The following PLPP1 variants were observed in gnomAD, a reference collection of about 807,000 sequenced individuals.
PLPP1 encodes the protein phospholipid phosphatase 1.
A neutral mutation model predicts 31.2 loss-of-function variants in PLPP1; 24 were observed. That is an observed-to-expected ratio of 0.77 (90% CI 0.56 to 1.08). The LOEUF (loss-of-function observed/expected upper bound fraction) is 1.08. Ranked by LOEUF, PLPP1 falls within the 50% of genes least tolerant of loss-of-function variation. PLPP1 has a pLI of 0.00. For missense variants in PLPP1, 319 were observed against 342.7 expected (o/e 0.93, Z 0.55); for synonymous variants, 146 against 126.3 (o/e 1.16, Z -1.05).
At chr5:55,460,195 T>C (rs1752123901) in intron 3 of PLPP1, among the ~76,000 whole-genome samples, 1 of 152,162 alleles carries the variant, frequency 6.6e-6, no homozygotes, top group African/African-American at 2.4e-5. Context: ...ATATTTTCAG[T>C]TAAATAAAGA....
At chr5:55,505,433 C>A (rs6889674) in intron 1 of PLPP1, among the ~76,000 whole-genome samples, 3,601 of 133,908 alleles carry the variant, frequency 0.027, 145 homozygotes, top group African/African-American at 0.09. Flanking sequence ...CATCTCTACA[C>A]ATCTATACAC....
chr5:55,447,936 G>A (rs1751803937), intron 3 of PLPP1, among the ~76,000 whole-genome samples: 1 of 152,024 alleles, frequency 6.6e-6, no homozygotes, highest in Non-Finnish European at 1.5e-5. Context: ...AAACCATAAC[G>A]AGGCATTTTC....
chr5:55,502,105 T>C (rs1284251047), intron 1 of PLPP1, among the ~76,000 whole-genome samples: 2 of 152,218 alleles, frequency 1.3e-5, no homozygotes, highest in African/African-American at 4.8e-5. Context: ...CGCATTAATA[T>C]AAACCAGCTT....
At position 55,468,790 on chromosome 5, in the gene PLPP1, C is replaced by CAAGACT. The variant is rs1348581044; in HGVS notation, c.211-647_211-642dup. Among the ~76,000 whole-genome samples, 11 of 152,044 alleles carry CAAGACT rather than the reference C, an allele frequency of 7.2e-5. No individual in the cohort carries two copies. The East Asian group carries it at 9.7e-4, about 13-fold the overall frequency. On this transcript the variant is annotated intron_variant, in intron 2 of 5. Transcript: ENST00000307259. Reference sequence around the variant, plus strand: ...TGTACTCCAGCCTGGGCAACAAGAGCAAGACTCCGTCTCAATAAATAAATA... The same window carrying CAAGACT: ...TGTACTCCAGCCTGGGCAACAAGAGCAAGACTAAGACTCCGTCTCAATAAATAAATA...
At position 55,425,064 on chromosome 5, in the gene PLPP1, C is replaced by CAA. The variant is rs1448704778; in HGVS notation, c.*140_*141dup. ...TGAGTTAAAGGTAACTATGTACACA[C>CAA]AAAGTGTGCATCCAAGAGGCATAGC... is the stretch of plus-strand genomic sequence containing the variant. On this transcript the variant is annotated 3_prime_UTR_variant, in exon 6 of 6. Coordinates refer to ENST00000307259, the MANE Select transcript of PLPP1 (RefSeq NM_003711.4). 7.9e-6 allele frequency: 9 copies of CAA among 1,142,964 alleles called. No individual in the cohort carries two copies. Among genetic ancestry groups the CAA allele is most frequent in the Non-Finnish European group, 1.1e-5 (9 of 807,612 alleles). The allele number at this position is 1,142,964 out of a possible 1,614,324, so 70.8% of individuals were successfully genotyped here.
chr5:55,448,742 C>G (rs1751827541), intron 3 of PLPP1, among the ~76,000 whole-genome samples: 2 of 152,112 alleles, frequency 1.3e-5, no homozygotes, highest in Non-Finnish European at 2.9e-5. Context: ...GCCTCCGCAC[C>G]CAGCCGATTC....
chr5:55,465,368 T>G (rs1214713118), intron 3 of PLPP1, among the ~76,000 whole-genome samples: 1 of 152,090 alleles, frequency 6.6e-6, no homozygotes, highest in Non-Finnish European at 1.5e-5. Context: ...GGTTTTATCA[T>G]TGCATTCATA....
intron 4 of PLPP1, among the ~76,000 whole-genome samples, chr5:55,436,538 A>T (rs1415821980): frequency 1.3e-5 from 2 of 152,200 alleles, no homozygotes; most frequent in Non-Finnish European, 2.9e-5. Flanking sequence ...TAAACTGCCC[A>T]GCCTTGGGTA....
At chr5:55,461,137 G>A (rs1400624646) in intron 3 of PLPP1, among the ~76,000 whole-genome samples, 4 of 152,116 alleles carry the variant, frequency 2.6e-5, no homozygotes, top group South Asian at 2.1e-4. Context: ...CAAGGTTTCA[G>A]TGAGCCAAGA....
chr5:55,428,645 G>C (rs1751267537), intron 4 of PLPP1, among the ~76,000 whole-genome samples: 1 of 152,226 alleles, frequency 6.6e-6, no homozygotes, highest in South Asian at 2.1e-4. Context: ...CCACTGAAAA[G>C]TTGAATGTCT....
intron 3 of PLPP1, among the ~76,000 whole-genome samples, chr5:55,466,376 T>G (rs1752295340): frequency 6.6e-6 from 1 of 152,078 alleles, no homozygotes; most frequent in Admixed American, 6.6e-5. Flanking sequence ...TCTAGTTAAA[T>G]AAGATTTTTT....
Position 55,436,956 on chromosome 5 carries a change from T to A in PLPP1, c.549+4895A>T, listed in dbSNP as rs1579921414. Among the ~76,000 whole-genome samples the A allele has an allele frequency of 3.3e-5, 5 of 152,288 alleles. No individual in the cohort carries two copies. The South Asian group carries it at 1.0e-3, about 32-fold the overall frequency. On this transcript the variant is annotated intron_variant, in intron 4 of 5. Transcript: ENST00000307259. ...AGGGGTTAACCCTCATGAAAGGGAT[T>A]AATGACCTAATAAGAGATCCAGGGG...
intron 4 of PLPP1, among the ~76,000 whole-genome samples, chr5:55,439,800 AGTATGGAATAT>A (rs1264795185): frequency 3.3e-5 from 5 of 152,248 alleles, no homozygotes; most frequent in Non-Finnish European, 7.3e-5. Flanking sequence ...AAAATGATGA[AGTATGGAATAT>A]GTTATAGCTG....
chr5:55,465,219 A>G (rs1752262383), intron 3 of PLPP1, among the ~76,000 whole-genome samples: 1 of 151,730 alleles, frequency 6.6e-6, no homozygotes, highest in Non-Finnish European at 1.5e-5. Flanking sequence ...TACTTTTTGT[A>G]TTTTTAGTAG....
chr5:55,464,882 C>T (rs551767972), intron 3 of PLPP1, among the ~76,000 whole-genome samples: 1 of 152,190 alleles, frequency 6.6e-6, no homozygotes, highest in South Asian at 2.1e-4. Context: ...TGGTAAATAA[C>T]TTTACAAATT....
At chr5:55,456,600 T>C (rs961380429) in intron 3 of PLPP1, among the ~76,000 whole-genome samples, 4 of 152,144 alleles carry the variant, frequency 2.6e-5, no homozygotes, top group African/African-American at 9.7e-5. Flanking sequence ...ATTTTTAGCT[T>C]TCTGACTTTC....
chr5:55,522,306 T>C (rs918756714), intron 1 of PLPP1, among the ~76,000 whole-genome samples: 1 of 152,224 alleles, frequency 6.6e-6, no homozygotes, highest in Non-Finnish European at 1.5e-5. Flanking sequence ...ATAGGGGAAA[T>C]TAGTTACATC....
chr5:55,534,304 A>G (rs1740795462), intron 1 of PLPP1, among the ~76,000 whole-genome samples: 1 of 152,164 alleles, frequency 6.6e-6, no homozygotes, highest in Admixed American at 6.5e-5. Context: ...AACAGAGGAC[A>G]GGAGCAAGGT....
At chr5:55,436,253 TC>T (rs1751491011) in intron 4 of PLPP1, among the ~76,000 whole-genome samples, 1 of 152,054 alleles carries the variant, frequency 6.6e-6, no homozygotes, top group Admixed American at 6.6e-5. Context: ...CTTGGCTGTG[TC>T]CCCACCCAAA....
Sources: gnomAD v4.1 joint callset for allele counts (sites outside exome capture counted in the v4.1 genomes callset) on GRCh38, gnomAD v4.1.1 for gene constraint, MANE v1.5 for transcripts, NCBI Gene and HGNC (gene_info 2026-07-23, HGNC 2026-07-21) for gene names.